Variants in COL4A2 observed in about 807,000 individuals in gnomAD.
The protein encoded by COL4A2 is collagen type IV alpha 2 chain, also known as collagen alpha-2(IV) chain.
In COL4A2, 99 loss-of-function variants were observed where a neutral mutation model predicts 200.2. That is an observed-to-expected ratio of 0.49 (90% CI 0.42 to 0.58). COL4A2 has a LOEUF of 0.58. COL4A2 is among the 20% of genes least tolerant of loss of function. The pLI, the probability that COL4A2 is intolerant of heterozygous loss-of-function variation, is 0.00. For synonymous variants in COL4A2, 897 were observed against 900.6 expected, an observed-to-expected ratio of 1.00 and a Z score of 0.07; for missense variants, 1,950 against 2,314.1, an observed-to-expected ratio of 0.84 and a Z score of 3.23.
At chr13:110,481,892 TGCTGGAGACACACTGCTCTGTCCCTCCG>T (rs1882942080) in intron 31 of COL4A2, among the ~76,000 whole-genome samples, 1 of 44,614 alleles carries the variant, frequency 2.2e-5, no homozygotes, top group Non-Finnish European at 4.7e-5. Flanking sequence ...TGTCCCTCCG[TGCTGGAGACACACTGCTCTGTCCCTCCG>T]TGCTGGAGAC....
At chr13:110,413,323 G>T (rs913882894) in intron 4 of COL4A2, among the ~76,000 whole-genome samples, 1 of 152,244 alleles carries the variant, frequency 6.6e-6, no homozygotes, top group Non-Finnish European at 1.5e-5. Context: ...CGGGGACAGA[G>T]TGTGAATGAG....
intron 3 of COL4A2, among the ~76,000 whole-genome samples, chr13:110,337,144 A>G (rs1201708793): frequency 1.3e-5 from 2 of 152,226 alleles, no homozygotes; most frequent in Non-Finnish European, 2.9e-5. Context: ...ACTGCATTCA[A>G]TCCGTAAGCC....
intron 11 of COL4A2, among the ~76,000 whole-genome samples, chr13:110,432,661 T>C (rs1880725582): frequency 6.6e-6 from 1 of 152,188 alleles, no homozygotes; most frequent in Non-Finnish European, 1.5e-5. Flanking sequence ...ATTAGAACAA[T>C]TTAGGGACAG....
Position 110,432,213 on chromosome 13 carries a change from C to G in COL4A2, c.649-112C>G. ...AATGCATCAGAAACCTCCATGCATC[C>G]TACACTGTGTCCTAAATATACAGTC... On this transcript the variant is annotated intron_variant, in intron 10 of 47. Coordinates refer to ENST00000360467, the MANE Select transcript of COL4A2 (RefSeq NM_001846.4). The G allele has an allele frequency of 1.5e-6, 2 of 1,337,780 alleles. 1 individual carries two copies. The highest frequency in any genetic ancestry group is 4.1e-5 in the South Asian group (2 of 48,604). 82.9% of individuals were successfully genotyped at this position (1,337,780 alleles called of 1,614,324 possible). A position where few individuals can be genotyped will look rare whatever the true frequency, so the allele number is the denominator to read the frequency against.
chr13:110,497,607 T>C (rs1883500817), intron 40 of COL4A2, among the ~76,000 whole-genome samples: 1 of 87,310 alleles, frequency 1.1e-5, no homozygotes. Context: ...CAGCACAACC[T>C]CCACTCAGGG....
intron 23 of COL4A2, 45 bp downstream of exon 23, chr13:110,462,231 C>T (rs781053670): frequency 1.1e-5 from 17 of 1,614,276 alleles, no homozygotes; most frequent in African/African-American, 5.3e-5. Flanking sequence ...ACTGAGCCTT[C>T]CTGTGGGCAC....
chr13:110,427,534 AAT>A (rs1880513736), intron 6 of COL4A2, among the ~76,000 whole-genome samples: 1 of 152,250 alleles, frequency 6.6e-6, no homozygotes, highest in African/African-American at 2.4e-5. Flanking sequence ...ATCACTCTGG[AAT>A]ATATGTTTGG....
intron 15 of COL4A2, 141 bp downstream of exon 15, chr13:110,438,809 C>A (rs981025879): frequency 8.0e-5 from 60 of 753,546 alleles, no homozygotes; most frequent in Non-Finnish European, 9.6e-5. Flanking sequence ...CCCACCCCCC[C>A]CCACACACAC....
intron 47 of COL4A2, among the ~76,000 whole-genome samples, chr13:110,509,270 T>TACACACACACACACACACACACACAC (rs60333796): frequency 8.7e-6 from 1 of 115,600 alleles, no homozygotes; most frequent in African/African-American, 3.5e-5. Context: ...TATATATATA[T>TACACACACACACACACACACACACAC]ACACACACAC....
chr13:110,315,680 G>C (rs1381624109), intron 3 of COL4A2, among the ~76,000 whole-genome samples: 1 of 152,210 alleles, frequency 6.6e-6, no homozygotes, highest in Non-Finnish European at 1.5e-5. Context: ...ACAGGCATGA[G>C]CCACCACGCC....
intron 7 of COL4A2, among the ~76,000 whole-genome samples, 196 bp downstream of exon 7, chr13:110,428,779 T>C (rs1023212373): frequency 6.6e-6 from 1 of 152,236 alleles, no homozygotes; most frequent in Non-Finnish European, 1.5e-5. Context: ...AGAAAATCAT[T>C]GTTGTGGTTG....
intron 3 of COL4A2, among the ~76,000 whole-genome samples, chr13:110,346,750 G>A (rs1270470718): frequency 2.0e-5 from 3 of 152,186 alleles, no homozygotes; most frequent in Non-Finnish European, 4.4e-5. Context: ...GGTGTTTGCT[G>A]TGTAGGTTCC....
Position 110,450,701 on chromosome 13 carries a change from C to T in COL4A2, c.1339+247C>T, listed in dbSNP as rs1403009369. On this transcript the variant is annotated intron_variant, in intron 20 of 47. Coordinates refer to ENST00000360467, the MANE Select transcript of COL4A2 (RefSeq NM_001846.4). ...GTATCACAGCCCCGTGGATGCCACA[C>T]AGTGAGGTTTAGTTGCTGCAGCTTC... 2.6e-5 allele frequency among the ~76,000 whole-genome samples: 4 copies of T among 152,218 alleles called. No individual in the cohort carries two copies. In the East Asian group the frequency reaches 7.7e-4, roughly 29 times the overall value.
intron 4 of COL4A2, among the ~76,000 whole-genome samples, chr13:110,383,301 G>A (rs539198010): frequency 5.3e-4 from 81 of 152,258 alleles, no homozygotes; most frequent in Admixed American, 1.8e-3. Flanking sequence ...CAATACTCTT[G>A]GGGGACAAAA....
Position 110,512,501 on chromosome 13 carries a change from C to T in COL4A2, c.*310C>T. ...ACACCCATGTAACCACTGCACTTTC[C>T]AATGCCACAGACAACTCACATTGTT... On this transcript the variant is annotated 3_prime_UTR_variant, in exon 48 of 48. Coordinates refer to ENST00000360467, the MANE Select transcript of COL4A2 (RefSeq NM_001846.4). 2 of 381,226 alleles carry T rather than the reference C, an allele frequency of 5.2e-6. No individual in the cohort carries two copies. Among genetic ancestry groups the T allele is most frequent in the South Asian group, 3.6e-5 (1 of 28,036 alleles). 23.6% of individuals were successfully genotyped at this position (381,226 alleles called of 1,614,324 possible). A position where few individuals can be genotyped will look rare whatever the true frequency, so the allele number is the denominator to read the frequency against.
intron 37 of COL4A2, 34 bp from the exon 38 acceptor site, chr13:110,492,036 G>A (rs1246461431): frequency 1.3e-6 from 2 of 1,536,718 alleles, no homozygotes; most frequent in South Asian, 1.2e-5. Flanking sequence ...AAGGTGTCCT[G>A]TGTGCTCAGA....
chr13:110,496,347 G>A (rs1322180222), intron 40 of COL4A2, among the ~76,000 whole-genome samples: 1 of 152,194 alleles, frequency 6.6e-6, no homozygotes, highest in Non-Finnish European at 1.5e-5. Flanking sequence ...TCCAGGATCT[G>A]CTGCCTGCCC....
chr13:110,339,294 A>G (rs1168886525), intron 3 of COL4A2, among the ~76,000 whole-genome samples: 1 of 152,224 alleles, frequency 6.6e-6, no homozygotes, highest in Admixed American at 6.5e-5. Context: ...GAGGGGCAGC[A>G]TGTTATCACA....
chr13:110,486,578 C>T (rs913598655), intron 34 of COL4A2, among the ~76,000 whole-genome samples: 7 of 152,186 alleles, frequency 4.6e-5, no homozygotes, highest in Non-Finnish European at 1.0e-4. Context: ...ATCAGAAGGT[C>T]TGGGCCCCTT....
Sources: allele counts gnomAD v4.1 joint callset (sites outside exome capture counted in the v4.1 genomes callset), GRCh38; gene constraint gnomAD v4.1.1; transcripts MANE v1.5; gene names NCBI Gene and HGNC (gene_info 2026-07-23, HGNC 2026-07-21).